Variants in TMCC1 observed in about 807,000 individuals in gnomAD.
TMCC1 encodes transmembrane and coiled-coil domain family 1, also known as transmembrane and coiled-coil domains protein 1.
A neutral mutation model predicts 52.4 loss-of-function variants in TMCC1; 15 were observed. The ratio of observed to expected loss-of-function variants is 0.29; its 90% CI spans 0.19 to 0.44. TMCC1 has a LOEUF of 0.44. Ranked by LOEUF, TMCC1 falls within the 20% of genes least tolerant of loss-of-function variation. The probability of loss-of-function intolerance (pLI) is 1.00; values close to 1 mark genes in which losing one functional copy is unlikely to be tolerated. For synonymous variants in TMCC1, 279 were observed against 301.9 expected (o/e 0.92, Z 0.79); for missense variants, 503 against 806.0 (o/e 0.62, Z 4.55).
chr3:129,794,028 A>G (rs992216861), intron 4 of TMCC1, among the ~76,000 whole-genome samples: 2 of 152,184 alleles, frequency 1.3e-5, no homozygotes, highest in Admixed American at 6.5e-5. Flanking sequence ...TTCAACCCAC[A>G]ATTATCTCTT....
intron 4 of TMCC1, among the ~76,000 whole-genome samples, chr3:129,708,840 TC>T (rs1202102585): frequency 6.6e-6 from 1 of 152,196 alleles, no homozygotes; most frequent in African/African-American, 2.4e-5. Context: ...ACTGCTGAAA[TC>T]CGGCATACCC....
chr3:129,864,639 A>G (rs1458456108), intron 2 of TMCC1, among the ~76,000 whole-genome samples: 1 of 152,180 alleles, frequency 6.6e-6, no homozygotes, highest in Non-Finnish European at 1.5e-5. Context: ...AATACAAAAA[A>G]TCAGCCTGTA....
intron 4 of TMCC1, among the ~76,000 whole-genome samples, chr3:129,693,419 T>C (rs2047166308): frequency 6.6e-6 from 1 of 152,132 alleles, no homozygotes; most frequent in Admixed American, 6.6e-5. Flanking sequence ...TAATCAAGTA[T>C]TGTTTCTTAT....
At position 129,828,316 on chromosome 3, in the gene TMCC1, A is replaced by T; in HGVS notation, c.63T>A (p.Asp21Glu). ...ATTCTGTCTGCTTTCTGGCCTCTGC[A>T]TCTTGGGATTTGCCTCCAGGATCAG... is the stretch of plus-strand genomic sequence containing the variant. ...EDPDPGGKSQ[D>E]AEARKQTESE... The change falls in exon 4 of 7, where the codon GAT (aspartate) becomes GAA (glutamate). Residue 21 changes from aspartate to glutamate, a missense_variant. Asp to Glu is a conservative substitution (Grantham distance 45). This residue lies in a region of TMCC1 where 217 missense variants were observed against 297.9 expected (regional missense o/e 0.73). Coordinates refer to ENST00000393238, the MANE Select transcript of TMCC1 (RefSeq NM_001017395.5). The surrounding 1 kb of genome is among the most constrained non-coding windows in gnomAD (Gnocchi z 4.1). 3 of 1,614,084 alleles carry T rather than the reference A, an allele frequency of 1.9e-6. No individual in the cohort carries two copies. The highest frequency in any genetic ancestry group is 2.5e-6 in the Non-Finnish European group (3 of 1,180,004).
At chr3:129,865,672 A>G (rs988863542) in intron 2 of TMCC1, among the ~76,000 whole-genome samples, 5 of 152,210 alleles carry the variant, frequency 3.3e-5, no homozygotes, top group African/African-American at 1.2e-4. Flanking sequence ...AAACGAGTGA[A>G]TGAGTGAATA....
intron 2 of TMCC1, among the ~76,000 whole-genome samples, chr3:129,840,416 A>G (rs557682131): frequency 6.6e-6 from 1 of 152,136 alleles, no homozygotes; most frequent in Non-Finnish European, 1.5e-5. Context: ...AAATAAAACA[A>G]TGGAGAAAAA....
At chr3:129,689,745 A>G (rs2089660858) in intron 4 of TMCC1, among the ~76,000 whole-genome samples, 1 of 152,226 alleles carries the variant, frequency 6.6e-6, no homozygotes, top group African/African-American at 2.4e-5. Context: ...TTGAATGAAT[A>G]TAAAGAAAAT....
intron 2 of TMCC1, among the ~76,000 whole-genome samples, chr3:129,863,705 T>C (rs554906193): frequency 1.3e-5 from 2 of 151,994 alleles, no homozygotes; most frequent in East Asian, 1.9e-4. Flanking sequence ...CTACTAAAAA[T>C]ACAAAAATTA....
At chr3:129,841,587 T>C (rs569199458) in intron 2 of TMCC1, among the ~76,000 whole-genome samples, 112 of 151,466 alleles carry the variant, frequency 7.4e-4, no homozygotes, top group African/African-American at 2.6e-3. Context: ...CCTCTCAAAA[T>C]AATAATAATA....
intron 4 of TMCC1, among the ~76,000 whole-genome samples, chr3:129,709,465 G>A (rs552023290): frequency 6.9e-4 from 64 of 92,460 alleles, no homozygotes; most frequent in African/African-American, 2.6e-3. Flanking sequence ...GACAGAGCGA[G>A]ACTTGCCTCA....
At chr3:129,888,752 G>A (rs993257234) in intron 1 of TMCC1, among the ~76,000 whole-genome samples, 3 of 152,222 alleles carry the variant, frequency 2.0e-5, no homozygotes, top group Admixed American at 1.3e-4. Flanking sequence ...CCAGAGTACA[G>A]TAGGAAAGAG....
chr3:129,694,140 G>A (rs2047221975), intron 4 of TMCC1, among the ~76,000 whole-genome samples: 2 of 152,216 alleles, frequency 1.3e-5, no homozygotes, highest in Admixed American at 6.5e-5. Flanking sequence ...CAAATTTATA[G>A]GTACCACAGG....
In TMCC1 at chr3:129,826,619, C is replaced by T. The variant is rs896100335; in HGVS notation, c.576+1184G>A. On this transcript the variant is annotated intron_variant, in intron 4 of 6. Coordinates refer to ENST00000393238, the MANE Select transcript of TMCC1 (RefSeq NM_001017395.5). ...GACAGGTTTAAAGTGATTTACTGTC[C>T]ATTATCTATATGTTTTAAATATCAT... is the stretch of plus-strand genomic sequence containing the variant. Among the ~76,000 whole-genome samples, 5 of 151,892 alleles carry T rather than the reference C, an allele frequency of 3.3e-5. No homozygotes were observed. In the East Asian group the frequency reaches 7.7e-4, roughly 24 times the overall value.
intron 5 of TMCC1, 35 bp downstream of exon 5, chr3:129,670,291 TACAC>T (rs1560150520): frequency 1.3e-6 from 2 of 1,580,976 alleles, no homozygotes; most frequent in Non-Finnish European, 1.7e-6. Context: ...AGGGGAACCC[TACAC>T]AAATAATTTC....
At chr3:129,860,679 T>C (rs2060349972) in intron 2 of TMCC1, among the ~76,000 whole-genome samples, 1 of 151,884 alleles carries the variant, frequency 6.6e-6, no homozygotes, top group Non-Finnish European at 1.5e-5. Context: ...AGCTCACTGC[T>C]ACCTCTGCCT....
At chr3:129,765,142 A>AG in intron 4 of TMCC1, among the ~76,000 whole-genome samples, 1 of 151,100 alleles carries the variant, frequency 6.6e-6, no homozygotes, top group Non-Finnish European at 1.5e-5. Context: ...ATACTCAAAA[A>AG]AAAACCCCAA....
intron 4 of TMCC1, among the ~76,000 whole-genome samples, chr3:129,809,887 C>G (rs1293818347): frequency 6.6e-6 from 1 of 151,574 alleles, no homozygotes; most frequent in Non-Finnish European, 1.5e-5. Flanking sequence ...AGTTACTCAT[C>G]TAAATAAGGA....
chr3:129,888,762 G>C (rs907566872), intron 1 of TMCC1, among the ~76,000 whole-genome samples: 1 of 152,220 alleles, frequency 6.6e-6, no homozygotes, highest in African/African-American at 2.4e-5. Flanking sequence ...GTAGGAAAGA[G>C]AGGAGGAAAG....
intron 4 of TMCC1, among the ~76,000 whole-genome samples, chr3:129,818,108 C>A (rs540138426): frequency 1.5e-4 from 23 of 152,106 alleles, no homozygotes; most frequent in African/African-American, 3.4e-4. Flanking sequence ...CCGTGCCAGG[C>A]CTTTTTTGTA....
Sources: gnomAD v4.1 joint callset for allele counts (sites outside exome capture counted in the v4.1 genomes callset) on GRCh38, gnomAD v4.1.1 for gene constraint, gnomAD v4.1.1 regional missense constraint, Gnocchi (gnomAD v3.1) non-coding constraint, MANE v1.5 for transcripts, NCBI Gene and HGNC (gene_info 2026-07-23, HGNC 2026-07-21) for gene names.